The following LINGO2 variants were observed in gnomAD, a reference collection of about 807,000 sequenced individuals.
LINGO2 encodes the protein leucine rich repeat and Ig domain containing 2, also known as leucine-rich repeat and immunoglobulin-like domain-containing nogo receptor-interacting protein 2.
Under a neutral mutation model 30.6 loss-of-function variants are expected in LINGO2, and 14 were observed. That is an observed-to-expected ratio of 0.46 (90% confidence interval 0.30 to 0.72). LINGO2 has a LOEUF of 0.72. Among genes scored for constraint, LINGO2 ranks in the 30% least tolerant of loss-of-function variants. The probability of loss-of-function intolerance (pLI) is 0.07; values close to 1 mark genes in which losing one functional copy is unlikely to be tolerated. For synonymous variants in LINGO2, 317 were observed against 288.5 expected (o/e 1.10, Z -1.00); for missense variants, 729 against 751.7 (o/e 0.97, Z 0.35).
chr9:28,501,394 A>G (rs1225838159), intron 1 of LINGO2, among the ~76,000 whole-genome samples: 2 of 152,222 alleles, frequency 1.3e-5, no homozygotes, highest in East Asian at 3.8e-4. Flanking sequence ...CACATTGTAA[A>G]TACGATGAAG....
At chr9:28,999,675 T>C in the LINGO2 span, among the ~76,000 whole-genome samples, 2 of 152,126 alleles carry the variant, frequency 1.3e-5, no homozygotes, top group East Asian at 1.9e-4. Context: ...GAATGTTTGA[T>C]ACAATAAATT....
chr9:28,612,249 G>A (rs1200532264), intron 1 of LINGO2, among the ~76,000 whole-genome samples: 1 of 152,074 alleles, frequency 6.6e-6, no homozygotes, highest in Non-Finnish European at 1.5e-5. Flanking sequence ...TTTCAGTAGA[G>A]ATGAGTTCTT....
exon 6 of LINGO2, chr9:27,949,610 G>T (rs776566052): frequency 6.2e-7 from 1 of 1,614,100 alleles, no homozygotes; most frequent in South Asian, 1.1e-5. Flanking sequence ...CCAGAGGGTT[G>T]TTGTTAATGC....
At chr9:28,178,979 ACTTGAAG>A (rs971941966) in intron 4 of LINGO2, among the ~76,000 whole-genome samples, 22 of 152,246 alleles carry the variant, frequency 1.4e-4, no homozygotes, top group African/African-American at 4.8e-4. Flanking sequence ...AGCCAAATAG[ACTTGAAG>A]AGAGACAAAT....
the LINGO2 span, among the ~76,000 whole-genome samples, chr9:29,004,489 T>C: frequency 6.6e-6 from 1 of 151,904 alleles, no homozygotes; most frequent in Non-Finnish European, 1.5e-5. Context: ...TGGCACAACA[T>C]CATGCTTTGT....
the LINGO2 span, among the ~76,000 whole-genome samples, chr9:29,121,372 C>A: frequency 1.3e-5 from 2 of 151,982 alleles, no homozygotes; most frequent in African/African-American, 4.8e-5. Flanking sequence ...GCAATGAAGT[C>A]AGAAAAATGA....
At chr9:28,559,105 T>C (rs1286851220) in intron 1 of LINGO2, among the ~76,000 whole-genome samples, 1 of 152,124 alleles carries the variant, frequency 6.6e-6, no homozygotes. Context: ...ATACATTCAA[T>C]TTGCAATCAA....
At chr9:28,186,603 G>C (rs1452797621) in intron 4 of LINGO2, among the ~76,000 whole-genome samples, 1 of 152,070 alleles carries the variant, frequency 6.6e-6, no homozygotes, top group African/African-American at 2.4e-5. Context: ...GGGGACGTGT[G>C]GAGTTGGAAT....
intron 1 of LINGO2, among the ~76,000 whole-genome samples, chr9:28,630,537 T>G (rs1826888076): frequency 6.6e-6 from 1 of 152,106 alleles, no homozygotes; most frequent in South Asian, 2.1e-4. Flanking sequence ...AACTCAAGCT[T>G]CTGAACAAGG....
At chr9:28,863,886 C>A in the LINGO2 span, among the ~76,000 whole-genome samples, 143 of 152,104 alleles carry the variant, frequency 9.4e-4, no homozygotes, top group Non-Finnish European at 1.5e-3. Flanking sequence ...GTAAATAAAA[C>A]TTAAAAATAA....
the LINGO2 span, among the ~76,000 whole-genome samples, chr9:28,892,837 A>G: frequency 6.6e-6 from 1 of 152,012 alleles, no homozygotes. Flanking sequence ...CTAGTGCTAC[A>G]ATGACGAAAA....
intron 3 of LINGO2, among the ~76,000 whole-genome samples, chr9:28,302,545 C>A (rs925245586): frequency 6.6e-6 from 1 of 152,142 alleles, no homozygotes; most frequent in African/African-American, 2.4e-5. Context: ...GTGGCACACA[C>A]CTGTTGTCCC....
intron 1 of LINGO2, among the ~76,000 whole-genome samples, chr9:28,488,231 G>A (rs1826251475): frequency 6.6e-6 from 1 of 152,006 alleles, no homozygotes; most frequent in African/African-American, 2.4e-5. Flanking sequence ...TTTAATGTTT[G>A]GCAAATATTT....
intron 1 of LINGO2, among the ~76,000 whole-genome samples, chr9:28,496,139 G>T (rs1564242095): frequency 1.3e-5 from 2 of 152,048 alleles, no homozygotes; most frequent in Non-Finnish European, 2.9e-5. Flanking sequence ...ATATTCTGTT[G>T]ATTTGGGGTG....
intron 1 of LINGO2, among the ~76,000 whole-genome samples, chr9:28,490,145 G>A (rs1157115592): frequency 2.0e-5 from 3 of 152,098 alleles, no homozygotes; most frequent in Non-Finnish European, 4.4e-5. Context: ...ACCCCAGTAG[G>A]TGGTTAAAAC....
At chr9:28,231,853 T>A (rs115276530) in intron 4 of LINGO2, among the ~76,000 whole-genome samples, 2,467 of 152,156 alleles carry the variant, frequency 0.016, 70 homozygotes, top group African/African-American at 0.057. Flanking sequence ...ATAAAAAATA[T>A]CCTGATTGCT....
chr9:28,019,790 G>A (rs1823024422), intron 4 of LINGO2, among the ~76,000 whole-genome samples: 1 of 151,970 alleles, frequency 6.6e-6, no homozygotes, highest in Admixed American at 6.6e-5. Flanking sequence ...ATCAAATTCA[G>A]GATTTAAGCC....
the LINGO2 span, among the ~76,000 whole-genome samples, chr9:29,049,531 A>T: frequency 6.6e-6 from 1 of 152,204 alleles, no homozygotes; most frequent in South Asian, 2.1e-4. Context: ...TTTACAACTA[A>T]GATTTGGAAG....
rs938604768 is a variant in LINGO2, at chr9:28,208,473, T to C, written c.-87+86735A>G. Among the ~76,000 whole-genome samples the C allele has an allele frequency of 1.1e-4, 16 of 152,184 alleles. No homozygotes were observed. The East Asian group carries it at 2.9e-3, about 28-fold the overall frequency. Reference sequence around the variant, plus strand: ...AAGGAAGCTAGAATTATAACCTTTATTTCAAGGTTCTTGGGGGCAGGAGGT... The same window carrying C: ...AAGGAAGCTAGAATTATAACCTTTACTTCAAGGTTCTTGGGGGCAGGAGGT... On this transcript the variant is annotated intron_variant, in intron 4 of 5. Transcript: ENST00000379992.
Sources: gnomAD v4.1 joint callset for allele counts (sites outside exome capture counted in the v4.1 genomes callset) on GRCh38, gnomAD v4.1.1 for gene constraint, MANE v1.5 for transcripts, NCBI Gene and HGNC (gene_info 2026-07-23, HGNC 2026-07-21) for gene names.